The following EYS variants were observed in gnomAD, a reference collection of about 807,000 sequenced individuals.
EYS encodes the protein EGF-like photoreceptor maintenance factor, also known as protein eyes shut homolog.
EYS carries 250 observed loss-of-function variants against 282.1 expected under a neutral mutation model. That is an observed-to-expected ratio of 0.89 (90% CI 0.80 to 0.98). EYS has a LOEUF of 0.98. Ranked by LOEUF, EYS falls within the 50% of genes least tolerant of loss-of-function variation. The probability of loss-of-function intolerance (pLI) is 0.00; values close to 1 mark genes in which losing one functional copy is unlikely to be tolerated. For synonymous variants in EYS, 1,355 were observed against 1,282.9 expected (o/e 1.06, Z -1.20); for missense variants, 4,016 against 3,709.0 (o/e 1.08, Z -2.15).
chr6:65,052,768 G>A (rs531996599), intron 13 of EYS, among the ~76,000 whole-genome samples: 1 of 151,552 alleles, frequency 6.6e-6, no homozygotes. Context: ...CCTTCAAAAA[G>A]AAATACGTAT....
chr6:65,473,518 T>C (rs1765291816), intron 5 of EYS, among the ~76,000 whole-genome samples: 2 of 151,962 alleles, frequency 1.3e-5, no homozygotes, highest in Non-Finnish European at 2.9e-5. Context: ...CTGTGACACC[T>C]GGATTTTGAT....
intron 15 of EYS, among the ~76,000 whole-genome samples, chr6:64,928,753 A>G (rs1454719183): frequency 6.6e-6 from 1 of 152,112 alleles, no homozygotes; most frequent in Admixed American, 6.6e-5. Flanking sequence ...GACAAATAAT[A>G]AGGCAACACT....
At chr6:63,799,020 T>TATATATATAA (rs1437320106) in intron 37 of EYS, among the ~76,000 whole-genome samples, 9 of 132,250 alleles carry the variant, frequency 6.8e-5, no homozygotes, top group Admixed American at 7.5e-5. Context: ...TATATATATA[T>TATATATATAA]AATTTTTTTT....
chr6:64,159,301 C>T (rs1448532845), intron 31 of EYS, among the ~76,000 whole-genome samples: 3 of 152,022 alleles, frequency 2.0e-5, no homozygotes, highest in Non-Finnish European at 4.4e-5. Flanking sequence ...TGGCTCACGC[C>T]TGTAATCCCA....
At chr6:64,394,318 C>T (rs889754710) in intron 28 of EYS, among the ~76,000 whole-genome samples, 49 of 152,086 alleles carry the variant, frequency 3.2e-4, no homozygotes, top group Non-Finnish European at 6.0e-4. Context: ...GAGCCTGCAT[C>T]GCCAAGTCAA....
intron 28 of EYS, among the ~76,000 whole-genome samples, chr6:64,410,185 C>T (rs1225975553): frequency 1.3e-5 from 2 of 152,078 alleles, no homozygotes; most frequent in Non-Finnish European, 2.9e-5. Context: ...TTTTAGGGTC[C>T]TGGCTAACAT....
chr6:64,455,127 ATGT>A (rs1406709567), intron 26 of EYS, among the ~76,000 whole-genome samples: 4 of 151,984 alleles, frequency 2.6e-5, no homozygotes, highest in Admixed American at 1.3e-4. Context: ...ACCCAGGCTG[ATGT>A]TGAACTCTTG....
chr6:65,198,510 A>G (rs1765824098), intron 12 of EYS, among the ~76,000 whole-genome samples: 1 of 151,896 alleles, frequency 6.6e-6, no homozygotes, highest in South Asian at 2.1e-4. Context: ...ATTTTTTTTT[A>G]CACCTGCATC....
At chr6:65,568,698 T>C (rs1334783452) in intron 2 of EYS, among the ~76,000 whole-genome samples, 2 of 152,186 alleles carry the variant, frequency 1.3e-5, no homozygotes, top group African/African-American at 4.8e-5. Context: ...GGCTCACTTA[T>C]TTGATTTTCT....
At chr6:64,840,243 T>G (rs1009152806) in intron 19 of EYS, among the ~76,000 whole-genome samples, 8 of 152,098 alleles carry the variant, frequency 5.3e-5, no homozygotes, top group African/African-American at 1.9e-4. Flanking sequence ...GGTCACATAC[T>G]ATTATTATTA....
At position 65,276,338 on chromosome 6, in the gene EYS, T is replaced by A. The variant is rs112614532; in HGVS notation, c.2023+19525A>T. 8.6e-3 allele frequency among the ~76,000 whole-genome samples: 1,312 copies of A among 152,264 alleles called. 22 individuals carry two copies. Among genetic ancestry groups the A allele is most frequent in the Non-Finnish European group, 0.011 (726 of 68,004 alleles). ...GTGACCCACTAAAAAATTATTGCTT[T>A]TTGTTTCTGAAACCTTATGCTCTGC... On this transcript the variant is annotated intron_variant, in intron 12 of 42. Transcript: ENST00000503581.
intron 12 of EYS, among the ~76,000 whole-genome samples, chr6:65,244,814 G>T (rs532240053): frequency 6.6e-6 from 1 of 151,938 alleles, no homozygotes; most frequent in East Asian, 1.9e-4. Context: ...GAGCCACCGC[G>T]CCTGGCCCGA....
intron 12 of EYS, among the ~76,000 whole-genome samples, chr6:65,102,918 A>G (rs1174451519): frequency 6.6e-6 from 1 of 151,442 alleles, no homozygotes; most frequent in East Asian, 1.9e-4. Flanking sequence ...AATTTGTTCA[A>G]TTGCAGATGT....
intron 22 of EYS, among the ~76,000 whole-genome samples, chr6:64,702,801 T>C (rs1770836828): frequency 6.6e-6 from 1 of 152,270 alleles, no homozygotes; most frequent in South Asian, 2.1e-4. Flanking sequence ...TTTAAAACCA[T>C]AAGTTTAAGC....
At chr6:65,697,283 T>A (rs1467304970) in intron 1 of EYS, among the ~76,000 whole-genome samples, 2 of 152,236 alleles carry the variant, frequency 1.3e-5, no homozygotes, top group African/African-American at 2.4e-5. Context: ...TTTAAAACTA[T>A]TCTTCACAAG....
intron 29 of EYS, among the ~76,000 whole-genome samples, chr6:64,370,529 C>T (rs1772328600): frequency 6.6e-6 from 1 of 152,062 alleles, no homozygotes; most frequent in South Asian, 2.1e-4. Context: ...ATGATTTTGG[C>T]CTCACAGAAT....
chr6:64,399,048 T>G (rs991239815), intron 28 of EYS, among the ~76,000 whole-genome samples: 2 of 151,810 alleles, frequency 1.3e-5, no homozygotes, highest in Admixed American at 6.6e-5. Flanking sequence ...TCTCTAAAAT[T>G]TAATGTTTGG....
intron 19 of EYS, among the ~76,000 whole-genome samples, chr6:64,872,064 G>C (rs1439817060): frequency 6.6e-6 from 1 of 152,024 alleles, no homozygotes; most frequent in Non-Finnish European, 1.5e-5. Context: ...ACTGTCCTCT[G>C]AAGTTATGGT....
chr6:65,398,314 G>A (rs932712808), intron 7 of EYS, among the ~76,000 whole-genome samples: 1 of 151,788 alleles, frequency 6.6e-6, no homozygotes, highest in African/African-American at 2.4e-5. Flanking sequence ...ACAGAATAGA[G>A]AACCACATAC....
Sources: gnomAD v4.1 joint callset for allele counts (sites outside exome capture counted in the v4.1 genomes callset) on GRCh38, gnomAD v4.1.1 for gene constraint, MANE v1.5 for transcripts, NCBI Gene and HGNC (gene_info 2026-07-23, HGNC 2026-07-21) for gene names.